Variants in ZNF644 observed in about 807,000 individuals in gnomAD.
ZNF644 encodes the protein zinc finger motif enhancer binding protein 2.
In ZNF644, 20 loss-of-function variants were observed where a neutral mutation model predicts 108.0. That is an observed-to-expected ratio of 0.19 (90% CI 0.13 to 0.27). ZNF644 has a LOEUF of 0.27. Ranked by LOEUF, ZNF644 falls within the 10% of genes least tolerant of loss-of-function variation. The pLI is 1.00. For missense variants in ZNF644, 1,338 were observed against 1,548.9 expected (o/e 0.86, Z 2.29); for synonymous variants, 542 against 539.1 (o/e 1.01, Z -0.08).
At chr1:91,019,635 A>G (rs932589477) in intron 1 of ZNF644, among the ~76,000 whole-genome samples, 2 of 152,168 alleles carry the variant, frequency 1.3e-5, no homozygotes, top group African/African-American at 4.8e-5. Context: ...CAGTGCCACG[A>G]TCTCAGCTCT....
At chr1:90,956,718 T>C (rs1417923691) in intron 2 of ZNF644, among the ~76,000 whole-genome samples, 2 of 152,094 alleles carry the variant, frequency 1.3e-5, no homozygotes, top group African/African-American at 4.8e-5. Context: ...GATAAGAGAA[T>C]ATTGGTTCTT....
chr1:90,964,973 A>G (rs1255156160), intron 2 of ZNF644, among the ~76,000 whole-genome samples: 2 of 152,166 alleles, frequency 1.3e-5, no homozygotes, highest in African/African-American at 4.8e-5. Context: ...TTACAAATTA[A>G]TGAAACACAC....
At chr1:90,983,550 A>G (rs1164991709) in intron 1 of ZNF644, among the ~76,000 whole-genome samples, 1 of 151,132 alleles carries the variant, frequency 6.6e-6, no homozygotes, top group Non-Finnish European at 1.5e-5. Context: ...GAGAGGGAGG[A>G]TTATTCCGAA....
At chr1:90,997,380 C>A (rs918350719) in intron 1 of ZNF644, among the ~76,000 whole-genome samples, 10 of 152,070 alleles carry the variant, frequency 6.6e-5, no homozygotes, top group African/African-American at 2.2e-4. Context: ...ACTAAGCCAA[C>A]TGAGCAGAGA....
chr1:90,921,674 G>C (rs1404191911), intron 4 of ZNF644, among the ~76,000 whole-genome samples: 1 of 151,012 alleles, frequency 6.6e-6, no homozygotes, highest in Non-Finnish European at 1.5e-5. Flanking sequence ...ATTTATAAAA[G>C]ATCTAAATTG....
intron 2 of ZNF644, among the ~76,000 whole-genome samples, chr1:90,955,300 G>A (rs1653644493): frequency 6.6e-6 from 1 of 152,130 alleles, no homozygotes; most frequent in South Asian, 2.1e-4. Context: ...TGTTCAATGA[G>A]GCTTCAACTT....
chr1:90,925,956 G>C (rs139262471), intron 4 of ZNF644, among the ~76,000 whole-genome samples: 42 of 152,170 alleles, frequency 2.8e-4, no homozygotes, highest in African/African-American at 9.6e-4. Flanking sequence ...TCCCAGCCAT[G>C]ATGGGACAGG....
Position 90,937,544 on chromosome 1 carries a change from A to G in ZNF644, c.3629T>C (p.Leu1210Ser), listed in dbSNP as rs1382492169. Reference protein sequence around the residue: ...KRFVQKCVLPLNEDSPLMYQP... With the variant: ...KRFVQKCVLPSNEDSPLMYQP... Reference sequence around the variant, plus strand: ...ATACATCAACGGACTATCCTCATTTAATGGAAGAACGCATTTCTGAACGAA... The same window carrying G: ...ATACATCAACGGACTATCCTCATTTGATGGAAGAACGCATTTCTGAACGAA... Residue 1210 changes from leucine (L) to serine (S), a missense_variant, in exon 4 of 6, where the codon TTA (leucine) becomes TCA (serine). Leu to Ser is a moderately radical substitution (Grantham distance 145, BLOSUM62 -2). This residue lies in a region of ZNF644 where 287 missense variants were observed against 310.9 expected (regional missense o/e 0.92). Transcript: ENST00000337393. The G allele has an allele frequency of 1.2e-6, 2 of 1,613,878 alleles. No individual in the cohort carries two copies. Among genetic ancestry groups the G allele is most frequent in the East Asian group, 2.2e-5 (1 of 44,866 alleles).
chr1:90,965,393 C>T (rs1654757531), intron 2 of ZNF644, among the ~76,000 whole-genome samples: 1 of 152,110 alleles, frequency 6.6e-6, no homozygotes. Context: ...TTTATAAGCA[C>T]ATCAGTGATA....
intron 4 of ZNF644, among the ~76,000 whole-genome samples, chr1:90,928,035 G>A (rs543784808): frequency 2.0e-5 from 3 of 151,018 alleles, no homozygotes; most frequent in Middle Eastern, 7.1e-3. Context: ...TAGTAGAGAC[G>A]GAGTTTCACC....
intron 2 of ZNF644, among the ~76,000 whole-genome samples, chr1:90,959,363 A>G (rs537605163): frequency 1.3e-5 from 2 of 152,224 alleles, no homozygotes; most frequent in Non-Finnish European, 2.9e-5. Context: ...GAGTTGAGCT[A>G]GATTACCATA....
At chr1:90,963,962 G>T (rs1654586325) in intron 2 of ZNF644, among the ~76,000 whole-genome samples, 1 of 152,052 alleles carries the variant, frequency 6.6e-6, no homozygotes, top group African/African-American at 2.4e-5. Context: ...ATCTTTTATA[G>T]CTATATATGT....
At chr1:90,970,986 G>A (rs1398578186) in intron 2 of ZNF644, among the ~76,000 whole-genome samples, 20 of 118,146 alleles carry the variant, frequency 1.7e-4, no homozygotes, top group African/African-American at 5.0e-4. Context: ...GCAATGGAGC[G>A]AGACTCCATT....
intron 4 of ZNF644, among the ~76,000 whole-genome samples, chr1:90,922,273 T>C (rs1439354480): frequency 6.6e-6 from 1 of 152,184 alleles, no homozygotes; most frequent in Non-Finnish European, 1.5e-5. Flanking sequence ...TCTTTTCTAA[T>C]TGGTTGCTGG....
In ZNF644 at chr1:90,939,304, T is replaced by G; in HGVS notation, c.2050A>C (p.Ile684Leu). ...FSKIHKRPHR[I>L]QKARKSIAQS... ...GCAATGCTTTTCCGAGCTTTCTGTA[T>G]TCTGTGTGGCCGCTTATGAATTTTT... Residue 684 changes from isoleucine to leucine, a missense_variant, in exon 3 of 6, where the codon ATA becomes CTA. By Grantham distance (5) the Ile-to-Leu change is conservative. This residue lies in a region of ZNF644 where 462 missense variants were observed against 472.6 expected (regional missense o/e 0.98). Transcript: ENST00000337393. The G allele has an allele frequency of 6.2e-7, 1 of 1,614,098 alleles. No individual in the cohort carries two copies. The highest frequency in any genetic ancestry group is 8.5e-7 in the Non-Finnish European group (1 of 1,179,958).
chr1:90,917,954 G>T, intron 5 of ZNF644, 98 bp downstream of exon 5: 2 of 957,406 alleles, frequency 2.1e-6, no homozygotes, highest in Non-Finnish European at 3.4e-6. Flanking sequence ...TGTTGAGAAT[G>T]CACTCTGCCA....
Position 90,938,737 on chromosome 1 carries a change from C to G in ZNF644, c.2617G>C (p.Ala873Pro). 6.2e-7 allele frequency: 1 copy of G among 1,613,884 alleles called. No homozygotes were observed. Among genetic ancestry groups the G allele is most frequent in the African/African-American group, 1.3e-5 (1 of 75,026 alleles). ...TCACTATAGGTTTCATCTTCTATGG[C>G]CTGTGTAGTGTAGTCTCCTAACTCA... Reference protein sequence around the residue: ...NVELGDYTTQAIEDETYSDIN... With the variant: ...NVELGDYTTQPIEDETYSDIN... The change falls in exon 3 of 6, where the codon GCC (alanine) becomes CCC (proline). Residue 873 changes from alanine to proline, a missense_variant. Coordinates refer to ENST00000337393, the MANE Select transcript of ZNF644 (RefSeq NM_201269.3). This position sits in a 1 kb window ranked among gnomAD's most constrained non-coding sequence, Gnocchi z 4.2.
intron 1 of ZNF644, among the ~76,000 whole-genome samples, chr1:90,986,536 T>A (rs1041032456): frequency 1.3e-5 from 2 of 152,046 alleles, no homozygotes; most frequent in African/African-American, 4.8e-5. Flanking sequence ...TGTAAGATGT[T>A]AACAACAGGG....
At chr1:90,995,654 C>T (rs1240328720) in intron 1 of ZNF644, among the ~76,000 whole-genome samples, 6 of 151,986 alleles carry the variant, frequency 3.9e-5, no homozygotes, top group Non-Finnish European at 7.4e-5. Flanking sequence ...TGACTGGTTA[C>T]ATATCAAAAA....
Sources: allele counts gnomAD v4.1 joint callset (sites outside exome capture counted in the v4.1 genomes callset), GRCh38; gene constraint gnomAD v4.1.1; regional missense constraint gnomAD v4.1.1; non-coding constraint Gnocchi (gnomAD v3.1); transcripts MANE v1.5; gene names NCBI Gene and HGNC (gene_info 2026-07-23, HGNC 2026-07-21).